Variants in GPC5 observed in about 807,000 individuals in gnomAD.
GPC5 encodes the protein glypican-5.
In GPC5, 47 loss-of-function variants were observed where a neutral mutation model predicts 53.9. The ratio of observed to expected loss-of-function variants is 0.87; its 90% confidence interval spans 0.69 to 1.11. The LOEUF is 1.11. Among genes scored for constraint, GPC5 ranks in the 50% most tolerant of loss-of-function variants. The pLI is 0.00. For synonymous variants in GPC5, 286 were observed against 263.3 expected (o/e 1.09, Z -0.84); for missense variants, 748 against 713.1 (o/e 1.05, Z -0.56).
chr13:92,196,647 G>A (rs1293009174), intron 7 of GPC5, among the ~76,000 whole-genome samples: 1 of 152,134 alleles, frequency 6.6e-6, no homozygotes, highest in East Asian at 1.9e-4. Context: ...ACAATCCAAA[G>A]GCAACATTTC....
At chr13:92,138,480 G>A (rs1428469187) in intron 6 of GPC5, among the ~76,000 whole-genome samples, 2 of 151,550 alleles carry the variant, frequency 1.3e-5, no homozygotes, top group African/African-American at 2.4e-5. Context: ...AGATCACACC[G>A]CTGCGCTCCA....
intron 7 of GPC5, among the ~76,000 whole-genome samples, chr13:92,827,150 G>A (rs993773780): frequency 1.3e-5 from 2 of 152,058 alleles, no homozygotes; most frequent in African/African-American, 4.8e-5. Context: ...ATGTGGGGGA[G>A]AGAGAAAGGA....
intron 7 of GPC5, among the ~76,000 whole-genome samples, chr13:92,788,248 T>A (rs1432315184): frequency 6.6e-6 from 1 of 150,588 alleles, no homozygotes; most frequent in Non-Finnish European, 1.5e-5. Context: ...GATGATAGTG[T>A]AAAAAAAAAG....
intron 7 of GPC5, among the ~76,000 whole-genome samples, chr13:92,477,057 ATAAAT>A (rs1390429953): frequency 5.6e-5 from 4 of 71,174 alleles, no homozygotes; most frequent in African/African-American, 2.1e-4. Context: ...TAAAAAATAA[ATAAAT>A]AAATAAATAA....
intron 7 of GPC5, among the ~76,000 whole-genome samples, chr13:92,718,083 C>T (rs947310805): frequency 2.0e-5 from 3 of 152,120 alleles, no homozygotes; most frequent in Non-Finnish European, 1.5e-5. Context: ...GAAAAGGGAA[C>T]GCTTGTACAT....
chr13:91,775,352 C>G (rs2037692889), intron 5 of GPC5, among the ~76,000 whole-genome samples: 1 of 152,116 alleles, frequency 6.6e-6, no homozygotes, highest in African/African-American at 2.4e-5. Flanking sequence ...TTCTACTGCA[C>G]TTGGGCCTCA....
chr13:92,757,785 C>G (rs1422769203), intron 7 of GPC5, among the ~76,000 whole-genome samples: 1 of 152,156 alleles, frequency 6.6e-6, no homozygotes, highest in Non-Finnish European at 1.5e-5. Context: ...CAATGAGATA[C>G]CATCTCACAC....
At chr13:91,478,363 G>C (rs1006852829) in intron 2 of GPC5, among the ~76,000 whole-genome samples, 5 of 151,768 alleles carry the variant, frequency 3.3e-5, no homozygotes, top group African/African-American at 1.2e-4. Flanking sequence ...CCATTTCACT[G>C]TCTTTTTTCT....
chr13:91,492,970 G>A (rs555878208), intron 2 of GPC5, among the ~76,000 whole-genome samples: 6 of 142,782 alleles, frequency 4.2e-5, no homozygotes, highest in South Asian at 2.3e-4. Context: ...CTACTGTTTC[G>A]GTAACAATTC....
At chr13:91,757,101 T>G (rs1471398853) in intron 5 of GPC5, among the ~76,000 whole-genome samples, 1 of 152,198 alleles carries the variant, frequency 6.6e-6, no homozygotes, top group African/African-American at 2.4e-5. Flanking sequence ...TATAACTGAT[T>G]GTACTTTCAA....
intron 6 of GPC5, among the ~76,000 whole-genome samples, chr13:92,130,704 T>G (rs1199699918): frequency 6.6e-6 from 1 of 152,008 alleles, no homozygotes; most frequent in Non-Finnish European, 1.5e-5. Flanking sequence ...TTTAGAAAGT[T>G]TAAATGTTGT....
intron 7 of GPC5, among the ~76,000 whole-genome samples, chr13:92,316,710 A>T (rs915994613): frequency 1.3e-5 from 2 of 152,146 alleles, no homozygotes; most frequent in Non-Finnish European, 2.9e-5. Context: ...AAGCAACTCA[A>T]GATAAATTTT....
At position 91,663,995 on chromosome 13, in the gene GPC5, C is replaced by T. The variant is rs146708405; in HGVS notation, c.326-29192C>T. ...CTTAGCTCTACAATAACATCTTTGACCATTACTGATTCCAGATATATTTTT... is the reference window on the plus strand; with the variant it reads ...CTTAGCTCTACAATAACATCTTTGATCATTACTGATTCCAGATATATTTTT... On this transcript the variant is annotated intron_variant, in intron 2 of 7. Coordinates refer to ENST00000377067, the MANE Select transcript of GPC5 (RefSeq NM_004466.6). Among the ~76,000 whole-genome samples, 243 of 152,224 alleles carry T rather than the reference C, an allele frequency of 1.6e-3. 2 individuals are homozygous for T. The highest frequency in any genetic ancestry group is 3.0e-3 in the Non-Finnish European group (205 of 68,010).
chr13:92,540,925 G>C (rs1213315110), intron 7 of GPC5, among the ~76,000 whole-genome samples: 1 of 151,790 alleles, frequency 6.6e-6, no homozygotes, highest in African/African-American at 2.4e-5. Flanking sequence ...TATGGTAGGT[G>C]GACTAGCAGG....
chr13:92,215,265 G>A (rs2042401806), intron 7 of GPC5, among the ~76,000 whole-genome samples: 1 of 152,104 alleles, frequency 6.6e-6, no homozygotes, highest in Non-Finnish European at 1.5e-5. Context: ...TTCCAACAAG[G>A]TATTTTTCCT....
chr13:91,700,316 T>G (rs1207612656), intron 3 of GPC5, among the ~76,000 whole-genome samples: 1 of 152,256 alleles, frequency 6.6e-6, no homozygotes, highest in Non-Finnish European at 1.5e-5. Flanking sequence ...CATAGAACTT[T>G]GAAAGTGTTG....
At chr13:91,843,945 C>T (rs1268937902) in intron 5 of GPC5, among the ~76,000 whole-genome samples, 3 of 152,094 alleles carry the variant, frequency 2.0e-5, no homozygotes, top group African/African-American at 7.2e-5. Context: ...GATAGTTATG[C>T]CTTTAATAGA....
At chr13:92,529,492 C>T (rs1452932996) in intron 7 of GPC5, among the ~76,000 whole-genome samples, 1 of 152,120 alleles carries the variant, frequency 6.6e-6, no homozygotes, top group Non-Finnish European at 1.5e-5. Flanking sequence ...ATCAGCAACA[C>T]ACATAATGAC....
At chr13:92,282,497 G>C (rs1446484068) in intron 7 of GPC5, among the ~76,000 whole-genome samples, 1 of 152,146 alleles carries the variant, frequency 6.6e-6, no homozygotes, top group Non-Finnish European at 1.5e-5. Flanking sequence ...CAGCAAGAGA[G>C]AAAGGTCGGA....
Sources: gnomAD v4.1 joint callset for allele counts (sites outside exome capture counted in the v4.1 genomes callset) on GRCh38, gnomAD v4.1.1 for gene constraint, MANE v1.5 for transcripts, NCBI Gene and HGNC (gene_info 2026-07-23, HGNC 2026-07-21) for gene names.